PTPRG: variants seen among roughly 807,000 people sequenced by gnomAD.
The protein encoded by PTPRG is receptor-type tyrosine-protein phosphatase gamma.
A neutral mutation model predicts 165.3 loss-of-function variants in PTPRG; 102 were observed. The ratio of observed to expected loss-of-function variants is 0.62; its 90% CI spans 0.53 to 0.73. The LOEUF (loss-of-function observed/expected upper bound fraction) is 0.73. Among genes scored for constraint, PTPRG ranks in the 30% least tolerant of loss-of-function variants. The pLI, the probability that PTPRG is intolerant of heterozygous loss-of-function variation, is 0.00. For missense variants in PTPRG, 1,866 were observed against 1,861.4 expected (o/e 1.00, Z -0.05); for synonymous variants, 675 against 669.5 (o/e 1.01, Z -0.13).
chr3:62,171,079 T>C (rs1705197576), intron 8 of PTPRG, among the ~76,000 whole-genome samples: 1 of 152,222 alleles, frequency 6.6e-6, no homozygotes, highest in Non-Finnish European at 1.5e-5. Flanking sequence ...TTAAGCATCC[T>C]CTCTGTTGTG....
chr3:62,089,861 A>G (rs1403472314), intron 5 of PTPRG, among the ~76,000 whole-genome samples: 2 of 152,356 alleles, frequency 1.3e-5, no homozygotes, highest in East Asian at 3.9e-4. Flanking sequence ...GGATTTGTCC[A>G]AAGTTGATGT....
intron 28 of PTPRG, among the ~76,000 whole-genome samples, chr3:62,286,530 A>G (rs1012270447): frequency 6.8e-6 from 1 of 148,084 alleles, no homozygotes; most frequent in African/African-American, 2.5e-5. Flanking sequence ...AGGAATCACA[A>G]TGTGTTTTAA....
intron 4 of PTPRG, among the ~76,000 whole-genome samples, chr3:62,062,091 G>A (rs1700835078): frequency 6.6e-6 from 1 of 151,868 alleles, no homozygotes. Flanking sequence ...CCTGAGGTTG[G>A]GAGTTCGAGA....
intron 2 of PTPRG, among the ~76,000 whole-genome samples, chr3:61,979,160 G>C (rs1036553860): frequency 7.2e-5 from 11 of 152,214 alleles, no homozygotes; most frequent in African/African-American, 2.7e-4. Flanking sequence ...TAAAAACTCA[G>C]CTATCAAGAT....
chr3:61,812,834 G>C (rs530570594), intron 2 of PTPRG, among the ~76,000 whole-genome samples: 2 of 152,358 alleles, frequency 1.3e-5, no homozygotes, highest in African/African-American at 2.4e-5. Flanking sequence ...GAAAAACCCT[G>C]TGAACAACTG....
intron 4 of PTPRG, among the ~76,000 whole-genome samples, chr3:62,072,609 A>ATG (rs1174208882): frequency 6.0e-4 from 85 of 141,252 alleles, no homozygotes; most frequent in African/African-American, 2.2e-3. Context: ...GAGAATATAT[A>ATG]TGTGTATGTG....
chr3:62,143,829 C>G (rs1161548069), intron 6 of PTPRG, among the ~76,000 whole-genome samples: 2 of 152,138 alleles, frequency 1.3e-5, no homozygotes, highest in African/African-American at 4.8e-5. Context: ...TGTGTGACCC[C>G]AGTACAAATT....
chr3:61,916,968 T>A (rs1483761114), intron 2 of PTPRG, among the ~76,000 whole-genome samples: 4 of 152,170 alleles, frequency 2.6e-5, no homozygotes, highest in African/African-American at 9.7e-5. Context: ...ATGCCCATTC[T>A]TGTGGATAAT....
chr3:62,033,132 C>A (rs1257509371), intron 4 of PTPRG, among the ~76,000 whole-genome samples: 1 of 152,080 alleles, frequency 6.6e-6, no homozygotes, highest in Non-Finnish European at 1.5e-5. Context: ...AATACTCTTT[C>A]CCCTTTTCTC....
intron 1 of PTPRG, among the ~76,000 whole-genome samples, chr3:61,588,843 C>T (rs1189111247): frequency 6.6e-6 from 1 of 152,192 alleles, no homozygotes; most frequent in African/African-American, 2.4e-5. Flanking sequence ...TGCATAGATG[C>T]TCTGTTGTTT....
At chr3:62,049,496 T>C (rs142786399) in intron 4 of PTPRG, among the ~76,000 whole-genome samples, 89 of 152,344 alleles carry the variant, frequency 5.8e-4, no homozygotes, top group Non-Finnish European at 1.0e-3. Flanking sequence ...CGCTGTTTCA[T>C]GTAATCAAAT....
intron 1 of PTPRG, among the ~76,000 whole-genome samples, chr3:61,678,969 CT>C (rs1001431549): frequency 4.6e-5 from 7 of 151,946 alleles, no homozygotes; most frequent in African/African-American, 7.2e-5. Context: ...GCAATAATGG[CT>C]TTTTTTCCCC....
At chr3:61,770,886 T>C (rs905601891) in intron 2 of PTPRG, 42 of 152,304 alleles carry the variant, frequency 2.8e-4, no homozygotes, top group African/African-American at 9.6e-4. Flanking sequence ...GCTCTTTCTT[T>C]TTCTGTTCTA....
At chr3:62,291,137 T>C (rs1702878355) in intron 28 of PTPRG, among the ~76,000 whole-genome samples, 1 of 152,144 alleles carries the variant, frequency 6.6e-6, no homozygotes, top group Non-Finnish European at 1.5e-5. Context: ...TCAGCCTCCC[T>C]GGTAATCAAG....
intron 2 of PTPRG, among the ~76,000 whole-genome samples, chr3:61,975,232 C>T (rs774418937): frequency 2.6e-4 from 39 of 152,240 alleles, no homozygotes; most frequent in Non-Finnish European, 5.0e-4. Context: ...TGATCTTGGA[C>T]AGGTTATTTA....
chr3:61,766,000 A>G (rs1367648118), intron 2 of PTPRG, among the ~76,000 whole-genome samples: 1 of 152,114 alleles, frequency 6.6e-6, no homozygotes, highest in Non-Finnish European at 1.5e-5. Context: ...TTGAAACCCA[A>G]TTTTTATTAG....
chr3:61,769,330 C>T (rs181928511), intron 2 of PTPRG: 2 of 152,006 alleles, frequency 1.3e-5, no homozygotes, highest in Non-Finnish European at 2.9e-5. Context: ...GTGCAGTATA[C>T]TTTGGCCCAG....
chr3:61,854,169 A>G (rs2037039376), intron 2 of PTPRG, among the ~76,000 whole-genome samples: 1 of 152,192 alleles, frequency 6.6e-6, no homozygotes, highest in African/African-American at 2.4e-5. Context: ...TAGCAGTACT[A>G]CACACATGCA....
At chr3:61,928,720 A>G (rs879474429) in intron 2 of PTPRG, among the ~76,000 whole-genome samples, 1 of 152,074 alleles carries the variant, frequency 6.6e-6, no homozygotes, top group Non-Finnish European at 1.5e-5. Context: ...GTTTAAATAT[A>G]TTTTCTAGAG....
Sources: gnomAD v4.1 joint callset for allele counts (sites outside exome capture counted in the v4.1 genomes callset) on GRCh38, gnomAD v4.1.1 for gene constraint, MANE v1.5 for transcripts, NCBI Gene and HGNC (gene_info 2026-07-23, HGNC 2026-07-21) for gene names.